The following CADM2 variants were observed in gnomAD, a reference collection of about 807,000 sequenced individuals.
CADM2 encodes the protein cell adhesion molecule 2, also known as immunoglobulin superfamily member 4D.
CADM2 carries 12 observed loss-of-function variants against 49.8 expected under a neutral mutation model. That is an observed-to-expected ratio of 0.24 (90% confidence interval 0.15 to 0.39). CADM2 has a LOEUF of 0.39. Among genes scored for constraint, CADM2 ranks in the 10% least tolerant of loss-of-function variants. CADM2 has a pLI of 1.00. For synonymous variants in CADM2, 214 were observed against 175.4 expected (o/e 1.22, Z -1.74); for missense variants, 378 against 492.3 (o/e 0.77, Z 2.20).
At chr3:85,982,183 T>C (rs969525142) in intron 8 of CADM2, among the ~76,000 whole-genome samples, 1 of 151,640 alleles carries the variant, frequency 6.6e-6, no homozygotes, top group African/African-American at 2.4e-5. Flanking sequence ...ATGTCCTTTG[T>C]CACTGAACTA....
chr3:85,068,093 A>G (rs2036587975), intron 1 of CADM2, among the ~76,000 whole-genome samples: 1 of 152,156 alleles, frequency 6.6e-6, no homozygotes, highest in African/African-American at 2.4e-5. Flanking sequence ...TCTAGACACT[A>G]TTTTTAACGC....
At chr3:85,618,794 G>A (rs575613969) in intron 1 of CADM2, among the ~76,000 whole-genome samples, 2 of 151,928 alleles carry the variant, frequency 1.3e-5, no homozygotes, top group East Asian at 1.9e-4. Context: ...TGTGACAATA[G>A]TGTCTATTTG....
At chr3:85,431,822 C>A in intron 1 of CADM2, among the ~76,000 whole-genome samples, 1 of 78,784 alleles carries the variant, frequency 1.3e-5, no homozygotes, top group Admixed American at 1.7e-4. Flanking sequence ...TGAGCTAGCT[C>A]CAGCTGAATT....
intron 1 of CADM2, among the ~76,000 whole-genome samples, chr3:85,649,458 T>C (rs2064982151): frequency 6.6e-6 from 1 of 152,196 alleles, no homozygotes; most frequent in African/African-American, 2.4e-5. Flanking sequence ...CTAACTCTCA[T>C]GTTTTGAAAT....
intron 1 of CADM2, among the ~76,000 whole-genome samples, chr3:85,461,296 A>G (rs1043067189): frequency 7.9e-5 from 12 of 152,118 alleles, no homozygotes; most frequent in Non-Finnish European, 1.6e-4. Context: ...ATGAGATTTC[A>G]GACACAAGTC....
intron 1 of CADM2, among the ~76,000 whole-genome samples, chr3:85,391,468 A>T (rs1388984123): frequency 6.6e-6 from 1 of 152,020 alleles, no homozygotes; most frequent in Non-Finnish European, 1.5e-5. Flanking sequence ...CGGAATAGTA[A>T]GACTGCTATA....
chr3:85,327,673 T>C (rs1001425469), intron 1 of CADM2, among the ~76,000 whole-genome samples: 3 of 152,052 alleles, frequency 2.0e-5, no homozygotes, highest in Non-Finnish European at 2.9e-5. Context: ...TAAATTTAAA[T>C]ACAGTGCCAA....
intron 1 of CADM2, among the ~76,000 whole-genome samples, chr3:85,405,940 T>TA (rs1301636430): frequency 2.0e-5 from 3 of 151,426 alleles, no homozygotes; most frequent in Non-Finnish European, 4.4e-5. Flanking sequence ...TAAAATAAAA[T>TA]AAAAAGTAAA....
intron 1 of CADM2, among the ~76,000 whole-genome samples, chr3:85,712,643 C>G (rs1449634747): frequency 6.6e-6 from 1 of 152,086 alleles, no homozygotes; most frequent in African/African-American, 2.4e-5. Flanking sequence ...TTTGGAAGCT[C>G]CTTCCCTTCA....
At chr3:85,093,229 A>T (rs1316374633) in intron 1 of CADM2, among the ~76,000 whole-genome samples, 1 of 152,090 alleles carries the variant, frequency 6.6e-6, no homozygotes, top group Non-Finnish European at 1.5e-5. Context: ...ACCAGATAAG[A>T]TATATCCTTG....
intron 1 of CADM2, among the ~76,000 whole-genome samples, chr3:85,651,767 T>C (rs1159469353): frequency 1.3e-5 from 2 of 151,968 alleles, no homozygotes; most frequent in African/African-American, 4.8e-5. Flanking sequence ...TTACAATACA[T>C]AATCTTAGCA....
chr3:85,223,593 T>A (rs2107796489), intron 1 of CADM2, among the ~76,000 whole-genome samples: 1 of 152,192 alleles, frequency 6.6e-6, no homozygotes, highest in East Asian at 1.9e-4. Context: ...GTTTTTATGT[T>A]TTATTTTTAT....
intron 1 of CADM2, among the ~76,000 whole-genome samples, chr3:85,326,948 T>A (rs1036851721): frequency 7.3e-5 from 9 of 123,614 alleles, no homozygotes; most frequent in African/African-American, 3.3e-4. Flanking sequence ...ATTAGATCAA[T>A]TTTTTTTTTA....
intron 3 of CADM2, among the ~76,000 whole-genome samples, chr3:85,806,099 G>A (rs780070147): frequency 1.4e-5 from 2 of 145,490 alleles, no homozygotes; most frequent in East Asian, 4.5e-4. Context: ...TCTCTGAAGA[G>A]TTCTGCATCC....
intron 6 of CADM2, among the ~76,000 whole-genome samples, chr3:85,916,512 T>A (rs549606710): frequency 7.0e-4 from 107 of 152,046 alleles, no homozygotes; most frequent in African/African-American, 2.5e-3. Flanking sequence ...CATCATTTTT[T>A]ATGGCTGCAT....
chr3:86,044,692 C>G (rs1450752869), intron 8 of CADM2, among the ~76,000 whole-genome samples: 1 of 152,104 alleles, frequency 6.6e-6, no homozygotes. Context: ...ACCATTTAAC[C>G]CAGCCATCCC....
chr3:85,985,503 T>G (rs1727982816), intron 8 of CADM2, among the ~76,000 whole-genome samples: 3 of 151,998 alleles, frequency 2.0e-5, no homozygotes, highest in African/African-American at 7.2e-5. Context: ...TAACGTTAAC[T>G]AAAATACTTA....
At chr3:85,133,681 G>A (rs1270917872) in intron 1 of CADM2, among the ~76,000 whole-genome samples, 5 of 152,210 alleles carry the variant, frequency 3.3e-5, no homozygotes, top group Non-Finnish European at 2.9e-5. Flanking sequence ...GGTGCTGACT[G>A]GTGTGTTTAC....
In CADM2 at chr3:85,392,299, A is replaced by G. The variant is rs183703672; in HGVS notation, c.62-334223A>G. ...CTGATATAACTTAAATATTTTTCCT[A>G]GTAGATGTTGACTTGAGGCTTTTCT... On this transcript the variant is annotated intron_variant, in intron 1 of 9. Transcript: ENST00000383699. Among the ~76,000 whole-genome samples, 214 of 152,200 alleles carry G rather than the reference A, an allele frequency of 1.4e-3. 1 individual carries two copies. Among genetic ancestry groups the G allele is most frequent in the Non-Finnish European group, 2.5e-3 (171 of 67,954 alleles).
Sources: allele counts gnomAD v4.1 joint callset (sites outside exome capture counted in the v4.1 genomes callset), GRCh38; gene constraint gnomAD v4.1.1; transcripts MANE v1.5; gene names NCBI Gene and HGNC (gene_info 2026-07-23, HGNC 2026-07-21).